NXN: variants seen among roughly 807,000 people sequenced by gnomAD.
The protein encoded by NXN is nucleoredoxin 1.
NXN carries 16 observed loss-of-function variants against 48.6 expected under a neutral mutation model. That is an observed-to-expected ratio of 0.33 (90% CI 0.22 to 0.50). The LOEUF is 0.50. NXN is among the 20% of genes least tolerant of loss of function. NXN has a pLI of 0.98. For missense variants in NXN, 492 were observed against 605.5 expected, an observed-to-expected ratio of 0.81 and a Z score of 1.97; for synonymous variants, 281 against 269.6, an observed-to-expected ratio of 1.04 and a Z score of -0.41.
chr17:833,680 C>T (rs1044631885), intron 1 of NXN, among the ~76,000 whole-genome samples: 1 of 152,130 alleles, frequency 6.6e-6, no homozygotes, highest in Non-Finnish European at 1.5e-5. Flanking sequence ...CCCCTGAAGC[C>T]TGTTAGCGGA....
rs1226899546 is a variant in NXN at position 803,776 on chromosome 17, G to C, written c.1031C>G (p.Ala344Gly). The change falls in exon 7 of 8, where the codon GCC becomes GGC. Residue 344 changes from alanine (A) to glycine (G), a missense_variant. Ala to Gly is a moderately conservative substitution (Grantham distance 60). Coordinates refer to ENST00000336868, the MANE Select transcript of NXN (RefSeq NM_022463.5). ...AGCTATCGGCTGAATCAGCTGCTTG[G>C]CCGCCTCGGACTCTCCGTCATCCTC... ...DSEDDGESEA[A>G]KQLIQPIAEK... 6.2e-7 allele frequency: 1 copy of C among 1,614,188 alleles called. No individual in the cohort carries two copies. Among genetic ancestry groups the C allele is most frequent in the South Asian group, 1.1e-5 (1 of 91,088 alleles).
At chr17:934,488 T>C (rs1251353123) in intron 1 of NXN, among the ~76,000 whole-genome samples, 5 of 151,032 alleles carry the variant, frequency 3.3e-5, no homozygotes, top group African/African-American at 1.2e-4. Context: ...AACTTACTTC[T>C]GGAAGTAAGA....
chr17:850,686 T>C (rs1167452547), intron 1 of NXN, among the ~76,000 whole-genome samples: 1 of 152,132 alleles, frequency 6.6e-6, no homozygotes, highest in Non-Finnish European at 1.5e-5. Context: ...GCGGGAGGTT[T>C]CTTCTGCAGA....
intron 1 of NXN, 54 bp downstream of exon 1, chr17:979,265 A>C (rs1597296656): frequency 2.5e-6 from 2 of 805,342 alleles, no homozygotes; most frequent in Non-Finnish European, 1.5e-6. Context: ...GGGGGCGGGC[A>C]GGGGTAACGG....
intron 1 of NXN, among the ~76,000 whole-genome samples, chr17:943,358 C>A (rs573993632): frequency 6.6e-6 from 1 of 152,142 alleles, no homozygotes; most frequent in South Asian, 2.1e-4. Flanking sequence ...CCACGGAGGT[C>A]GACTGGCCAG....
chr17:960,093 A>T (rs986232993), intron 1 of NXN, among the ~76,000 whole-genome samples: 3 of 149,324 alleles, frequency 2.0e-5, no homozygotes, highest in Non-Finnish European at 3.0e-5. Flanking sequence ...CTCCATCTTT[A>T]AAAAAAAAAT....
At chr17:826,790 C>T (rs898270018) in intron 1 of NXN, among the ~76,000 whole-genome samples, 2 of 152,318 alleles carry the variant, frequency 1.3e-5, no homozygotes, top group East Asian at 1.9e-4. Context: ...CCCCAACCCT[C>T]GGCTCTCGGT....
intron 1 of NXN, among the ~76,000 whole-genome samples, chr17:967,075 A>C (rs1194042585): frequency 2.6e-5 from 4 of 152,072 alleles, no homozygotes; most frequent in African/African-American, 9.7e-5. Context: ...ACTCTCCCTC[A>C]GTAATACACC....
chr17:931,112 C>G (rs906879823), intron 1 of NXN, among the ~76,000 whole-genome samples: 5 of 151,984 alleles, frequency 3.3e-5, no homozygotes, highest in Admixed American at 3.3e-4. Context: ...TCTAGCCTAG[C>G]AGAAAACCAA....
chr17:875,493 C>A, intron 1 of NXN, among the ~76,000 whole-genome samples: 1 of 152,156 alleles, frequency 6.6e-6, no homozygotes, highest in East Asian at 1.9e-4. Flanking sequence ...ACCTGGGTCT[C>A]TTATCTCAAA....
At chr17:957,547 G>A (rs908327948) in intron 1 of NXN, among the ~76,000 whole-genome samples, 16 of 151,636 alleles carry the variant, frequency 1.1e-4, no homozygotes, top group Admixed American at 4.6e-4. Context: ...CAGGAGAACT[G>A]CTTGAACACG....
intron 1 of NXN, among the ~76,000 whole-genome samples, chr17:838,126 CTTTTTTTT>C (rs66721481): frequency 4.0e-5 from 4 of 99,188 alleles, no homozygotes; most frequent in African/African-American, 1.7e-4. Context: ...TCCTTTCCTT[CTTTTTTTT>C]TTTTTTTTTT....
At chr17:931,834 CAAAAAAAA>C (rs34072582) in intron 1 of NXN, among the ~76,000 whole-genome samples, 2 of 88,414 alleles carry the variant, frequency 2.3e-5, no homozygotes, top group Non-Finnish European at 4.0e-5. Context: ...GACTCCGTCT[CAAAAAAAA>C]AAAAAAAAAA....
At chr17:918,106 G>A (rs1329252117) in intron 1 of NXN, among the ~76,000 whole-genome samples, 1 of 152,116 alleles carries the variant, frequency 6.6e-6, no homozygotes, top group Non-Finnish European at 1.5e-5. Flanking sequence ...ATCCTACTAA[G>A]AAGATGGGCC....
intron 1 of NXN, among the ~76,000 whole-genome samples, chr17:885,235 G>A (rs1354212152): frequency 3.3e-5 from 5 of 152,148 alleles, no homozygotes; most frequent in South Asian, 2.1e-4. Context: ...AGGCCGAGAC[G>A]GGCGGATCAC....
rs373585628 is a variant in NXN, at chr17:810,892, A to G, written c.821-5645T>C. 4.6e-5 allele frequency among the ~76,000 whole-genome samples: 7 copies of G among 152,320 alleles called. No homozygotes were observed. The South Asian group carries it at 8.3e-4, about 18-fold the overall frequency. ...CGACAGAGCGAGACTCTGCCTCAAA[A>G]AAAAAAAATTAGACAAAACACATAA... On this transcript the variant is annotated intron_variant, in intron 5 of 7. Transcript: ENST00000336868.
intron 1 of NXN, among the ~76,000 whole-genome samples, chr17:841,910 G>A (rs1914347173): frequency 6.6e-6 from 1 of 152,214 alleles, no homozygotes; most frequent in African/African-American, 2.4e-5. Flanking sequence ...GCCGAGGTGG[G>A]CGGATCACCT....
chr17:883,097 C>G (rs974535610), intron 1 of NXN, among the ~76,000 whole-genome samples: 5 of 152,064 alleles, frequency 3.3e-5, no homozygotes, highest in Non-Finnish European at 7.4e-5. Flanking sequence ...GCGTGCACCT[C>G]GAGTCCTAGC....
intron 5 of NXN, among the ~76,000 whole-genome samples, chr17:811,880 A>G (rs1912033866): frequency 7.1e-6 from 1 of 140,930 alleles, no homozygotes; most frequent in African/African-American, 2.6e-5. Flanking sequence ...AAACCCCAAG[A>G]TGCTTATAGG....
Sources: allele counts gnomAD v4.1 joint callset (sites outside exome capture counted in the v4.1 genomes callset), GRCh38; gene constraint gnomAD v4.1.1; transcripts MANE v1.5; gene names NCBI Gene and HGNC (gene_info 2026-07-23, HGNC 2026-07-21).